MYO3B: variants seen among roughly 807,000 people sequenced by gnomAD.
MYO3B encodes myosin-IIIb.
In MYO3B, 156 loss-of-function variants were observed where a neutral mutation model predicts 174.6. That is an observed-to-expected ratio of 0.89 (90% CI 0.78 to 1.02). The LOEUF is 1.02. Among genes scored for constraint, MYO3B ranks in the 50% least tolerant of loss-of-function variants. The pLI is 0.00. For synonymous variants in MYO3B, 563 were observed against 569.1 expected, an observed-to-expected ratio of 0.99 and a Z score of 0.15; for missense variants, 1,632 against 1,639.4, an observed-to-expected ratio of 1.00 and a Z score of 0.08.
At chr2:170,200,645 G>C (rs1453048935) in intron 3 of MYO3B, among the ~76,000 whole-genome samples, 3 of 152,184 alleles carry the variant, frequency 2.0e-5, no homozygotes, top group Non-Finnish European at 2.9e-5. Flanking sequence ...GGCTTGCCAA[G>C]TTTGGATTTG....
At chr2:170,273,623 C>T (rs2093440953) in intron 7 of MYO3B, among the ~76,000 whole-genome samples, 1 of 152,092 alleles carries the variant, frequency 6.6e-6, no homozygotes, top group South Asian at 2.1e-4. Flanking sequence ...TCCTTCCTCT[C>T]ACGTACTTCA....
intron 16 of MYO3B, 79 bp from the exon 17 acceptor site, chr2:170,400,109 T>C (rs2094465313): frequency 6.4e-7 from 1 of 1,571,240 alleles, no homozygotes; most frequent in Admixed American, 1.7e-5. Flanking sequence ...AGACAACTAG[T>C]AGTTTCCACT....
chr2:170,211,830 A>G (rs890395005), intron 3 of MYO3B, among the ~76,000 whole-genome samples: 10 of 152,144 alleles, frequency 6.6e-5, no homozygotes, highest in African/African-American at 2.4e-4. Flanking sequence ...TGCAAAGCAC[A>G]CCAGATTGGC....
rs538881759 is a variant in MYO3B at position 170,317,864 on chromosome 2, G to A, written c.750-17521G>A. Among the ~76,000 whole-genome samples the A allele has an allele frequency of 5.9e-5, 9 of 152,234 alleles. No homozygotes were observed. The East Asian group carries it at 1.4e-3, about 23-fold the overall frequency. On this transcript the variant is annotated intron_variant, in intron 7 of 34. Coordinates refer to ENST00000408978, the MANE Select transcript of MYO3B (RefSeq NM_138995.5). ...TGCAGGATTTCCTAGAGTTTTTATC[G>A]TGATAAAATCTTCACCATTTTCTAA... is the stretch of plus-strand genomic sequence containing the variant.
intron 32 of MYO3B, among the ~76,000 whole-genome samples, chr2:170,578,677 A>C (rs1692945599): frequency 6.6e-6 from 1 of 152,214 alleles, no homozygotes; most frequent in Admixed American, 6.5e-5. Context: ...GTTTGTACTC[A>C]TTTCTCTAAA....
rs1690290910 is a variant in MYO3B, at chr2:170,543,883, T to C, written c.3637-9T>C. On this transcript the variant is annotated splice_polypyrimidine_tract_variant and intron_variant, in intron 31 of 34. Transcript: ENST00000408978. The stretch of plus-strand genomic sequence containing the variant: ...AGAATAATATTTCTCTTACTGGGTT[T>C]TTCTGAAGCACTCGGTTTCTGGGAC... 1 of 1,610,586 alleles carries C rather than the reference T, an allele frequency of 6.2e-7. No homozygotes were observed.
chr2:170,629,686 C>T (rs1696780157), intron 32 of MYO3B, among the ~76,000 whole-genome samples: 1 of 152,058 alleles, frequency 6.6e-6, no homozygotes, highest in South Asian at 2.1e-4. Context: ...TCCATCTCTA[C>T]TAAAATACAA....
chr2:170,430,248 G>T (rs1464294293), intron 22 of MYO3B, among the ~76,000 whole-genome samples: 2 of 151,672 alleles, frequency 1.3e-5, no homozygotes, highest in Non-Finnish European at 2.9e-5. Flanking sequence ...TGAATAACAT[G>T]AGCATCATTA....
chr2:170,634,749 C>G (rs191106638), intron 32 of MYO3B, among the ~76,000 whole-genome samples: 29 of 152,292 alleles, frequency 1.9e-4, no homozygotes, highest in Non-Finnish European at 1.2e-4. Flanking sequence ...CCAGAATCTA[C>G]AAAGAACTCA....
intron 25 of MYO3B, among the ~76,000 whole-genome samples, chr2:170,467,292 A>G (rs1403848989): frequency 3.3e-5 from 5 of 152,210 alleles, no homozygotes; most frequent in Non-Finnish European, 5.9e-5. Flanking sequence ...ATGCTGGTCA[A>G]TGTAGAACCA....
At chr2:170,394,902 A>G (rs2094435201) in intron 16 of MYO3B, among the ~76,000 whole-genome samples, 1 of 152,226 alleles carries the variant, frequency 6.6e-6, no homozygotes, top group Admixed American at 6.5e-5. Flanking sequence ...ATGTAACAGA[A>G]CTTTCTCTTA....
At chr2:170,623,238 T>C (rs1025952142) in intron 32 of MYO3B, among the ~76,000 whole-genome samples, 27 of 152,302 alleles carry the variant, frequency 1.8e-4, no homozygotes, top group Non-Finnish European at 3.2e-4. Context: ...GCACCTGTTG[T>C]TTCCTGACTT....
Position 170,289,574 on chromosome 2 carries a change from CTT to C in MYO3B, c.750-45809_750-45808del, listed in dbSNP as rs147476191. Among the ~76,000 whole-genome samples the C allele has an allele frequency of 7.4e-3, 1,125 of 151,682 alleles. 6 individuals are homozygous for C. The highest frequency in any genetic ancestry group is 0.012 in the Non-Finnish European group (815 of 67,820). On this transcript the variant is annotated intron_variant, in intron 7 of 34. Coordinates refer to ENST00000408978, the MANE Select transcript of MYO3B (RefSeq NM_138995.5). ...TTAATGTCTTTTTTTTCATTTCTGA[CTT>C]TATTTATTTGGGTATTCTCTCTTTT...
chr2:170,195,926 C>T (rs1448371809), intron 1 of MYO3B, among the ~76,000 whole-genome samples: 1 of 152,158 alleles, frequency 6.6e-6, no homozygotes, highest in Non-Finnish European at 1.5e-5. Context: ...CAATATTAAC[C>T]ATCACACATA....
At chr2:170,652,017 A>G in intron 33 of MYO3B, 91 bp from the exon 34 acceptor site, 1 of 1,345,898 alleles carries the variant, frequency 7.4e-7, no homozygotes, top group Non-Finnish European at 1.0e-6. Context: ...TATTATCAGC[A>G]TCTGCTTGCA....
chr2:170,571,950 G>A (rs1692462894), intron 32 of MYO3B, among the ~76,000 whole-genome samples: 1 of 152,170 alleles, frequency 6.6e-6, no homozygotes, highest in African/African-American at 2.4e-5. Context: ...GTAAACAAGG[G>A]TCAGTCTTTC....
rs1699054519 is a variant in MYO3B, at chr2:170,652,144, A to G, written c.3877A>G (p.Arg1293Gly). The G allele has an allele frequency of 6.2e-7, 1 of 1,613,980 alleles. No homozygotes were observed. Among genetic ancestry groups the G allele is most frequent in the Admixed American group, 1.7e-5 (1 of 59,984 alleles). Reference protein sequence around the residue: ...LEYQGSKRKPRKLGQIKVLDG... With the variant: ...LEYQGSKRKPGKLGQIKVLDG... ...ATATCAAGGGAGCAAGAGGAAGCCA[A>G]GAAAACTTGGGTAAATATCTGTCTT... is the stretch of plus-strand genomic sequence containing the variant. Residue 1293 changes from arginine (R) to glycine (G), a missense_variant, in exon 34 of 35, where the codon AGA becomes GGA. Transcript: ENST00000408978.
At chr2:170,432,916 T>C (rs907113496) in intron 22 of MYO3B, among the ~76,000 whole-genome samples, 8 of 152,078 alleles carry the variant, frequency 5.3e-5, no homozygotes, top group African/African-American at 1.9e-4. Context: ...AGCCTAAGTG[T>C]GCAGTATTTA....
rs61527598 is a variant in MYO3B at position 170,483,375 on chromosome 2, C to CTTTTTTTTTT, written c.3015-15197_3015-15188dup. Among the ~76,000 whole-genome samples, 338 of 62,094 alleles carry CTTTTTTTTTT rather than the reference C, an allele frequency of 5.4e-3. 45 individuals are homozygous for CTTTTTTTTTT. The highest frequency in any genetic ancestry group is 0.013 in the South Asian group (23 of 1,836). The allele number at this position is 62,094 out of a possible 152,430, so 40.7% of individuals were successfully genotyped here. ...AATTAAAACTCCTTGCTTGGGGATT[C>CTTTTTTTTTT]TTTTTTTTTTTTTTTTTTTTTTTTT... On this transcript the variant is annotated intron_variant, in intron 25 of 34. Transcript: ENST00000408978.
Sources: allele counts gnomAD v4.1 joint callset (sites outside exome capture counted in the v4.1 genomes callset), GRCh38; gene constraint gnomAD v4.1.1; transcripts MANE v1.5; gene names NCBI Gene and HGNC (gene_info 2026-07-23, HGNC 2026-07-21).